Variants in DOCK4 observed in about 807,000 individuals in gnomAD.
The protein encoded by DOCK4 is dedicator of cytokinesis protein 4.
In DOCK4, 97 loss-of-function variants were observed where a neutral mutation model predicts 268.1. That is an observed-to-expected ratio of 0.36 (90% CI 0.31 to 0.43). DOCK4 has a LOEUF of 0.43. Among genes scored for constraint, DOCK4 ranks in the 20% least tolerant of loss-of-function variants. DOCK4 has a pLI of 1.00. For synonymous variants in DOCK4, 954 were observed against 887.2 expected (o/e 1.08, Z -1.34); for missense variants, 2,145 against 2,455.7 (o/e 0.87, Z 2.67).
intron 44 of DOCK4, among the ~76,000 whole-genome samples, chr7:111,742,619 C>G (rs1326625960): frequency 6.6e-6 from 1 of 152,202 alleles, no homozygotes; most frequent in African/African-American, 2.4e-5. Flanking sequence ...CACAGACTTT[C>G]AGAATCTGCC....
chr7:111,776,953 A>G (rs1798482323), intron 36 of DOCK4, among the ~76,000 whole-genome samples: 1 of 152,040 alleles, frequency 6.6e-6, no homozygotes, highest in Non-Finnish European at 1.5e-5. Context: ...AGTAGCTGGG[A>G]CTACAGACAT....
intron 1 of DOCK4, among the ~76,000 whole-genome samples, chr7:112,156,147 T>A (rs545810482): frequency 6.6e-6 from 1 of 152,236 alleles, no homozygotes; most frequent in Non-Finnish European, 1.5e-5. Flanking sequence ...TGTACTTTAC[T>A]GAGCCTCGGC....
intron 12 of DOCK4, among the ~76,000 whole-genome samples, chr7:111,933,129 C>T (rs1195379087): frequency 3.9e-5 from 5 of 126,718 alleles, no homozygotes; most frequent in Admixed American, 7.8e-5. Flanking sequence ...CATATATATA[C>T]GTATATACAC....
intron 11 of DOCK4, among the ~76,000 whole-genome samples, chr7:111,935,880 G>T (rs1346704939): frequency 2.6e-5 from 4 of 152,064 alleles, no homozygotes; most frequent in Non-Finnish European, 5.9e-5. Context: ...ATTACAAGTG[G>T]CCCCAAAACA....
Position 111,960,193 on chromosome 7 carries a change from G to T in DOCK4, c.702-14395C>A, listed in dbSNP as rs1393777766. ...ATCCTGGCTAACACAGTGAAACCCC[G>T]TCTCTACTAAAAATACAAAAAATTA... On this transcript the variant is annotated intron_variant, in intron 8 of 52. Transcript: ENST00000428084. Among the ~76,000 whole-genome samples, 4 of 151,486 alleles carry T rather than the reference G, an allele frequency of 2.6e-5. No individual in the cohort carries two copies. In the South Asian group the frequency reaches 8.3e-4, roughly 32 times the overall value.
At chr7:112,120,016 C>T (rs1319300307) in intron 1 of DOCK4, among the ~76,000 whole-genome samples, 1 of 151,910 alleles carries the variant, frequency 6.6e-6, no homozygotes, top group East Asian at 1.9e-4. Flanking sequence ...ACAGGCTAAT[C>T]TTTTGTATTT....
At chr7:111,780,536 T>TA (rs1188800553) in intron 35 of DOCK4, among the ~76,000 whole-genome samples, 1 of 152,136 alleles carries the variant, frequency 6.6e-6, no homozygotes, top group Non-Finnish European at 1.5e-5. Context: ...ATAGTTCTCT[T>TA]AAAAAAATAC....
At chr7:111,771,398 G>A (rs962724589) in intron 36 of DOCK4, among the ~76,000 whole-genome samples, 4 of 152,184 alleles carry the variant, frequency 2.6e-5, no homozygotes, top group South Asian at 4.1e-4. Context: ...GCTGCCCGAC[G>A]GGGACAGTGA....
intron 42 of DOCK4, among the ~76,000 whole-genome samples, chr7:111,754,652 G>A (rs1796902240): frequency 6.6e-6 from 1 of 152,248 alleles, no homozygotes; most frequent in African/African-American, 2.4e-5. Flanking sequence ...GCAGGGCTAT[G>A]GCTGACATCG....
chr7:112,051,775 G>C (rs61468206), intron 1 of DOCK4, among the ~76,000 whole-genome samples: 5,245 of 151,994 alleles, frequency 0.035, 292 homozygotes, highest in African/African-American at 0.12. Flanking sequence ...AAAATATTCA[G>C]GCATTTTAAA....
At chr7:111,976,001 T>C (rs898949098) in intron 8 of DOCK4, among the ~76,000 whole-genome samples, 3 of 149,230 alleles carry the variant, frequency 2.0e-5, no homozygotes, top group Non-Finnish European at 3.0e-5. Context: ...GCATCTCTAC[T>C]AAAAATACAA....
intron 1 of DOCK4, among the ~76,000 whole-genome samples, chr7:112,164,599 A>C (rs1817424849): frequency 6.6e-6 from 1 of 152,210 alleles, no homozygotes; most frequent in South Asian, 2.1e-4. Flanking sequence ...AAAATTCAAC[A>C]CATGGAAAAG....
At chr7:111,982,266 T>C (rs1357397625) in intron 7 of DOCK4, among the ~76,000 whole-genome samples, 2 of 152,250 alleles carry the variant, frequency 1.3e-5, no homozygotes, top group African/African-American at 2.4e-5. Context: ...TTTCATACCA[T>C]AAAACCACAA....
chr7:112,192,868 G>GA (rs901045935), intron 1 of DOCK4, among the ~76,000 whole-genome samples: 4 of 149,790 alleles, frequency 2.7e-5, no homozygotes, highest in East Asian at 2.0e-4. Context: ...TTGTCACTAA[G>GA]AAAAAAAAAT....
At chr7:111,835,225 T>A (rs1289639257) in intron 25 of DOCK4, among the ~76,000 whole-genome samples, 1 of 152,196 alleles carries the variant, frequency 6.6e-6, no homozygotes, top group African/African-American at 2.4e-5. Flanking sequence ...TCATGCTCCA[T>A]TTTTGAATTC....
chr7:111,887,285 C>T (rs910922885), intron 16 of DOCK4, among the ~76,000 whole-genome samples: 1 of 152,138 alleles, frequency 6.6e-6, no homozygotes, highest in African/African-American at 2.4e-5. Flanking sequence ...GGAAGACCAA[C>T]TGAAGATGTT....
intron 13 of DOCK4, among the ~76,000 whole-genome samples, chr7:111,905,710 T>TGTGTGC (rs58938757): frequency 4.5e-4 from 68 of 151,868 alleles, no homozygotes; most frequent in African/African-American, 1.6e-3. Flanking sequence ...TGTGTGTGTG[T>TGTGTGC]GCACGTGTAT....
chr7:111,737,131 TTTAA>T (rs1313019350), intron 49 of DOCK4, 142 bp from the exon 50 acceptor site: 3 of 640,908 alleles, frequency 4.7e-6, no homozygotes, highest in Non-Finnish European at 7.9e-6. Flanking sequence ...GAACAAATAA[TTTAA>T]TTATATTTAA....
intron 1 of DOCK4, among the ~76,000 whole-genome samples, chr7:112,168,599 G>A (rs1387579379): frequency 2.0e-5 from 3 of 152,158 alleles, no homozygotes; most frequent in African/African-American, 7.2e-5. Context: ...CAGCCACCTG[G>A]GAACCTGAGG....
Sources: gnomAD v4.1 joint callset for allele counts (sites outside exome capture counted in the v4.1 genomes callset) on GRCh38, gnomAD v4.1.1 for gene constraint, MANE v1.5 for transcripts, NCBI Gene and HGNC (gene_info 2026-07-23, HGNC 2026-07-21) for gene names.